FOCAD: variants seen among roughly 807,000 people sequenced by gnomAD.
FOCAD encodes KIAA1797.
FOCAD carries 198 observed loss-of-function variants against 225.6 expected under a neutral mutation model. That is an observed-to-expected ratio of 0.88 (90% confidence interval 0.78 to 0.99). FOCAD has a LOEUF of 0.99. FOCAD is among the 50% of genes least tolerant of loss of function. The probability of loss-of-function intolerance (pLI) is 0.00; values close to 1 mark genes in which losing one functional copy is unlikely to be tolerated. For synonymous variants in FOCAD, 897 were observed against 755.0 expected (o/e 1.19, Z -3.08); for missense variants, 2,713 against 2,123.6 (o/e 1.28, Z -5.46).
At chr9:20,777,324 T>TG (rs1491486682) in intron 8 of FOCAD, among the ~76,000 whole-genome samples, 1 of 99,098 alleles carries the variant, frequency 1.0e-5, no homozygotes, top group East Asian at 3.3e-4. Flanking sequence ...TTTTTTTTTT[T>TG]GACTGTCTTT....
chr9:20,768,877 T>A (rs1333764650), intron 7 of FOCAD, among the ~76,000 whole-genome samples: 1 of 152,134 alleles, frequency 6.6e-6, no homozygotes, highest in African/African-American at 2.4e-5. Flanking sequence ...AAAGACAGAA[T>A]GTTACTTCAA....
chr9:20,884,662 T>G (rs1830958385), intron 20 of FOCAD, among the ~76,000 whole-genome samples: 1 of 152,148 alleles, frequency 6.6e-6, no homozygotes, highest in Non-Finnish European at 1.5e-5. Context: ...ATATAAATGG[T>G]CAAAAATCAT....
chr9:20,784,941 T>TA (rs1309158183), intron 10 of FOCAD, among the ~76,000 whole-genome samples: 1 of 151,968 alleles, frequency 6.6e-6, no homozygotes, highest in Non-Finnish European at 1.5e-5. Flanking sequence ...TTTTTTTTTT[T>TA]AATCTATTTC....
intron 35 of FOCAD, among the ~76,000 whole-genome samples, chr9:20,953,742 A>G (rs1024680096): frequency 6.6e-6 from 1 of 152,256 alleles, no homozygotes; most frequent in African/African-American, 2.4e-5. Context: ...TGGCTCAGGA[A>G]TCAGCTTCGT....
chr9:20,701,895 C>T (rs776770898), intron 1 of FOCAD, among the ~76,000 whole-genome samples: 2 of 152,092 alleles, frequency 1.3e-5, no homozygotes, highest in African/African-American at 2.4e-5. Flanking sequence ...TGATTTAACA[C>T]GTATGTGCAA....
chr9:20,830,068 G>T (rs13284320), intron 15 of FOCAD, among the ~76,000 whole-genome samples: 37,624 of 151,824 alleles, frequency 0.25, 4,917 homozygotes, highest in South Asian at 0.34. Flanking sequence ...TCAAACCTAG[G>T]TCTGTCTTAA....
At chr9:20,775,762 G>T (rs1818694019) in intron 8 of FOCAD, among the ~76,000 whole-genome samples, 1 of 152,036 alleles carries the variant, frequency 6.6e-6, no homozygotes, top group African/African-American at 2.4e-5. Context: ...TTGACTTGAG[G>T]ACAAAAAGTA....
Position 20,697,827 on chromosome 9 carries a change from A to G in FOCAD, c.-33+13534A>G, listed in dbSNP as rs1422407970. On this transcript the variant is annotated intron_variant, in intron 1 of 43. Coordinates refer to ENST00000338382, the MANE Select transcript of FOCAD (RefSeq NM_001375567.1). Reference sequence around the variant, plus strand: ...AAAATGAGACTGGAGGATGTTGAACACAGTGGAGGAACACTTGATGTTTTT... The same window carrying G: ...AAAATGAGACTGGAGGATGTTGAACGCAGTGGAGGAACACTTGATGTTTTT... 2.0e-5 allele frequency among the ~76,000 whole-genome samples: 3 copies of G among 152,238 alleles called. No individual in the cohort carries two copies. The South Asian group carries it at 6.2e-4, about 31-fold the overall frequency.
At chr9:20,740,166 T>C (rs1827490743) in intron 4 of FOCAD, 70 bp from the exon 5 acceptor site, 1 of 984,202 alleles carries the variant, frequency 1.0e-6, no homozygotes, top group Admixed American at 2.1e-5. Context: ...TTTAAAATGA[T>C]AGGATTAAGC....
At chr9:20,699,713 G>A (rs1178780242) in intron 1 of FOCAD, among the ~76,000 whole-genome samples, 4 of 114,624 alleles carry the variant, frequency 3.5e-5, no homozygotes, top group Admixed American at 3.4e-4. Context: ...TCTCCACCCT[G>A]GGCTACAGAG....
At chr9:20,923,924 C>G (rs1312455468) in intron 25 of FOCAD, among the ~76,000 whole-genome samples, 156 bp downstream of exon 25, 1 of 152,132 alleles carries the variant, frequency 6.6e-6, no homozygotes, top group Non-Finnish European at 1.5e-5. Flanking sequence ...CAGTGTCTTC[C>G]TAACTTTGCT....
intron 2 of FOCAD, among the ~76,000 whole-genome samples, chr9:20,659,348 A>G (rs779276792): frequency 5.9e-5 from 9 of 151,414 alleles, no homozygotes; most frequent in Non-Finnish European, 1.0e-4. Context: ...AGGAGGTTGC[A>G]GTGAGTCAAG....
intron 22 of FOCAD, among the ~76,000 whole-genome samples, 191 bp from the exon 23 acceptor site, chr9:20,912,675 C>G (rs1564142708): frequency 6.6e-6 from 1 of 152,266 alleles, no homozygotes; most frequent in Non-Finnish European, 1.5e-5. Context: ...GATGTTACCT[C>G]TTTGGTGAAT....
chr9:20,916,765 G>A, intron 23 of FOCAD, 128 bp from the exon 24 acceptor site: 2 of 804,084 alleles, frequency 2.5e-6, no homozygotes, highest in South Asian at 1.8e-5. Flanking sequence ...ACCTTATACT[G>A]AAATTCTACC....
chr9:20,777,131 T>C (rs1818840660), intron 8 of FOCAD, among the ~76,000 whole-genome samples: 1 of 152,110 alleles, frequency 6.6e-6, no homozygotes, highest in Non-Finnish European at 1.5e-5. Flanking sequence ...GAGGATTTTG[T>C]AGGTTAATTT....
At chr9:20,752,589 G>A (rs1828668922) in intron 5 of FOCAD, among the ~76,000 whole-genome samples, 2 of 152,110 alleles carry the variant, frequency 1.3e-5, no homozygotes. Flanking sequence ...AAGTCAGGTG[G>A]TGTGATGCCT....
At chr9:20,939,605 C>T (rs12377576) in intron 28 of FOCAD, among the ~76,000 whole-genome samples, 148,008 of 152,272 alleles carry the variant, frequency 0.97, 72,099 homozygotes, top group East Asian at 1. Flanking sequence ...TTCGTATGTC[C>T]AAGCATATTT....
intron 15 of FOCAD, among the ~76,000 whole-genome samples, chr9:20,850,600 T>C (rs1827550237): frequency 6.6e-6 from 1 of 151,792 alleles, no homozygotes; most frequent in Admixed American, 6.6e-5. Flanking sequence ...ACATGATTTT[T>C]CAAAACTTTT....
intron 4 of FOCAD, among the ~76,000 whole-genome samples, chr9:20,734,898 A>G (rs751690561): frequency 9.2e-5 from 14 of 152,200 alleles, no homozygotes; most frequent in Non-Finnish European, 1.6e-4. Context: ...TGGGCCTCCC[A>G]AAGTGCTGGG....
Sources: gnomAD v4.1 joint callset for allele counts (sites outside exome capture counted in the v4.1 genomes callset) on GRCh38, gnomAD v4.1.1 for gene constraint, MANE v1.5 for transcripts, NCBI Gene and HGNC (gene_info 2026-07-23, HGNC 2026-07-21) for gene names.